Variants in ZBTB20 observed in about 807,000 individuals in gnomAD.
ZBTB20 encodes the protein zinc finger and BTB domain containing 20.
In ZBTB20, 9 loss-of-function variants were observed where a neutral mutation model predicts 56.9. That is an observed-to-expected ratio of 0.16 (90% CI 0.10 to 0.28). ZBTB20 has a LOEUF of 0.28. Among genes scored for constraint, ZBTB20 ranks in the 10% least tolerant of loss-of-function variants. ZBTB20 has a pLI of 1.00. For synonymous variants in ZBTB20, 417 were observed against 420.7 expected (o/e 0.99, Z 0.11); for missense variants, 655 against 1,003.0 (o/e 0.65, Z 4.69).
chr3:115,031,350 G>T (rs2080669499), intron 2 of ZBTB20, among the ~76,000 whole-genome samples: 1 of 151,304 alleles, frequency 6.6e-6, no homozygotes, highest in African/African-American at 2.4e-5. Flanking sequence ...ACATCTTCTT[G>T]AACTAAATCA....
At chr3:114,369,460 T>G (rs749230883) in intron 10 of ZBTB20, among the ~76,000 whole-genome samples, 2 of 152,248 alleles carry the variant, frequency 1.3e-5, no homozygotes, top group Non-Finnish European at 2.9e-5. Context: ...TTCCATGTGG[T>G]TGTTTATATA....
intron 4 of ZBTB20, among the ~76,000 whole-genome samples, chr3:114,864,365 T>A (rs897192965): frequency 7.9e-5 from 12 of 152,096 alleles, no homozygotes; most frequent in African/African-American, 2.9e-4. Context: ...ATTGTACCTC[T>A]TATCATTTCT....
chr3:114,636,033 G>A (rs778419250), intron 6 of ZBTB20, among the ~76,000 whole-genome samples: 7 of 152,164 alleles, frequency 4.6e-5, no homozygotes, highest in South Asian at 2.1e-4. Context: ...AAACAAGAGC[G>A]AAGCAACTCA....
At chr3:114,966,724 T>C (rs1247275020) in intron 3 of ZBTB20, among the ~76,000 whole-genome samples, 2 of 150,962 alleles carry the variant, frequency 1.3e-5, no homozygotes, top group South Asian at 2.1e-4. Context: ...TACCTATCAA[T>C]AAAGAACTCC....
At chr3:115,115,602 G>T (rs2083995296) in intron 1 of ZBTB20, among the ~76,000 whole-genome samples, 1 of 151,984 alleles carries the variant, frequency 6.6e-6, no homozygotes, top group Admixed American at 6.6e-5. Flanking sequence ...AGTATTTGCT[G>T]ACAAATGTGA....
intron 1 of ZBTB20, among the ~76,000 whole-genome samples, chr3:115,138,644 T>C (rs1047606401): frequency 2.0e-5 from 3 of 152,080 alleles, no homozygotes; most frequent in African/African-American, 7.2e-5. Context: ...TTGAACAAGA[T>C]ACTTACCCTT....
At chr3:114,498,132 G>T (rs1323100712) in intron 7 of ZBTB20, among the ~76,000 whole-genome samples, 1 of 152,148 alleles carries the variant, frequency 6.6e-6, no homozygotes, top group Admixed American at 6.5e-5. Flanking sequence ...ATTGTATAGA[G>T]ACCTAACTTA....
chr3:114,757,091 C>G (rs982950087), intron 5 of ZBTB20, among the ~76,000 whole-genome samples: 6 of 152,138 alleles, frequency 3.9e-5, no homozygotes, highest in Non-Finnish European at 7.4e-5. Flanking sequence ...ATGTCTCTTG[C>G]AACTCATTTG....
At chr3:114,900,268 T>C (rs998593048) in intron 4 of ZBTB20, 36 bp downstream of exon 4, 48 of 152,110 alleles carry the variant, frequency 3.2e-4, no homozygotes, top group African/African-American at 1.1e-3. Flanking sequence ...AGTTAATATA[T>C]AGATTTACAT....
intron 6 of ZBTB20, among the ~76,000 whole-genome samples, chr3:114,676,297 A>G (rs1349256574): frequency 6.6e-6 from 1 of 152,314 alleles, no homozygotes; most frequent in African/African-American, 2.4e-5. Context: ...TTACTGCCAC[A>G]TATTGGTAGT....
rs528616957 is a variant in ZBTB20 at position 114,333,657 on chromosome 3, T to G, written c.*5348A>C. The G allele has an allele frequency of 3.3e-5, 5 of 152,314 alleles. No individual in the cohort carries two copies. The highest frequency in any genetic ancestry group is 1.5e-5 in the Non-Finnish European group (1 of 68,018). 9.4% of individuals were successfully genotyped at this position (152,314 alleles called of 1,614,324 possible). On this transcript the variant is annotated 3_prime_UTR_variant, in exon 12 of 12. Transcript: ENST00000675478. ...AAGTCACATGGTTCTGTCTTCAGTA[T>G]CCTATTTTTCTTTTTTTTTAATTTC...
At chr3:114,360,008 C>T (rs749021303) in intron 10 of ZBTB20, among the ~76,000 whole-genome samples, 52 of 151,896 alleles carry the variant, frequency 3.4e-4, no homozygotes, top group Non-Finnish European at 6.8e-4. Flanking sequence ...TCATCACACA[C>T]TGATGAATTA....
At chr3:114,969,745 A>C (rs946955315) in intron 3 of ZBTB20, among the ~76,000 whole-genome samples, 1 of 152,236 alleles carries the variant, frequency 6.6e-6, no homozygotes, top group African/African-American at 2.4e-5. Flanking sequence ...TATGTATGTT[A>C]TAACAGTAAA....
intron 5 of ZBTB20, among the ~76,000 whole-genome samples, chr3:114,730,204 T>TTGTGTG (rs140060489): frequency 6.6e-6 from 1 of 150,402 alleles, no homozygotes. Flanking sequence ...TGTTGCAATT[T>TTGTGTG]TGTGTGTGTG....
chr3:114,744,402 T>A (rs1434274386), intron 5 of ZBTB20, among the ~76,000 whole-genome samples: 3 of 152,208 alleles, frequency 2.0e-5, no homozygotes, highest in Non-Finnish European at 2.9e-5. Context: ...TGTAACATTA[T>A]TTGGATACCA....
chr3:115,097,687 G>T (rs575596328), intron 1 of ZBTB20, among the ~76,000 whole-genome samples: 1 of 152,136 alleles, frequency 6.6e-6, no homozygotes, highest in Non-Finnish European at 1.5e-5. Context: ...AGACTTTGGG[G>T]ATCTAAACAG....
At chr3:114,929,256 A>C (rs1488497945) in intron 3 of ZBTB20, among the ~76,000 whole-genome samples, 1 of 152,218 alleles carries the variant, frequency 6.6e-6, no homozygotes, top group African/African-American at 2.4e-5. Flanking sequence ...CTACATGGTT[A>C]AGAGAGCCTG....
chr3:114,853,272 T>C (rs1400466857), intron 4 of ZBTB20, among the ~76,000 whole-genome samples: 1 of 152,220 alleles, frequency 6.6e-6, no homozygotes, highest in African/African-American at 2.4e-5. Context: ...CTGGAGCATG[T>C]GTCCATCAAC....
intron 10 of ZBTB20, among the ~76,000 whole-genome samples, chr3:114,373,229 C>A (rs764996398): frequency 3.9e-5 from 6 of 152,302 alleles, no homozygotes; most frequent in Non-Finnish European, 7.4e-5. Flanking sequence ...AGAATACTTT[C>A]TTACTTTGAC....
Sources: allele counts gnomAD v4.1 joint callset (sites outside exome capture counted in the v4.1 genomes callset), GRCh38; gene constraint gnomAD v4.1.1; transcripts MANE v1.5; gene names NCBI Gene and HGNC (gene_info 2026-07-23, HGNC 2026-07-21).